The following GTPBP3 variants were observed in gnomAD, a reference collection of about 807,000 sequenced individuals.
GTPBP3 encodes GTP binding protein 3, mitochondrial.
In GTPBP3, 35 loss-of-function variants were observed where a neutral mutation model predicts 42.0. That is an observed-to-expected ratio of 0.83 (90% CI 0.64 to 1.10). GTPBP3 has a LOEUF of 1.10. GTPBP3 is among the 50% of genes least tolerant of loss of function. GTPBP3 has a pLI of 0.00. For missense variants in GTPBP3, 691 were observed against 685.2 expected (o/e 1.01, Z -0.09); for synonymous variants, 332 against 314.9 (o/e 1.05, Z -0.58).
rs1173962513 is a variant in GTPBP3, at chr19:17,341,191, C to T, written c.1122C>T (p.Asn374=). 1.2e-6 allele frequency: 2 copies of T among 1,611,700 alleles called. No individual in the cohort carries two copies. Among genetic ancestry groups the T allele is most frequent in the Non-Finnish European group, 8.5e-7 (1 of 1,179,948 alleles). ...GCCAGCGCCTCCTCCTGGTGCTGAA[C>T]AAGTCGGACCTGCTGTCCCCGGAGG... ...DSSQRLLLVL[N]KSDLLSPEGP... Residue 374 remains asparagine (N), a synonymous_variant, in exon 8 of 9, where the codon AAC becomes AAT. Coordinates refer to ENST00000324894, the MANE Select transcript of GTPBP3 (RefSeq NM_032620.4).
chr19:17,336,969 G>A (rs1215343933), upstream of GTPBP3: 1 of 152,216 alleles, frequency 6.6e-6, no homozygotes, highest in Non-Finnish European at 1.5e-5. Context: ...GGCATCCGAA[G>A]CCGAGGGAAC....
intron 7 of GTPBP3, 137 bp downstream of exon 7, chr19:17,339,736 T>TTA: frequency 2.7e-6 from 2 of 732,148 alleles, no homozygotes; most frequent in Non-Finnish European, 4.0e-6. Flanking sequence ...AGGGATTTGG[T>TTA]TCTTTTTTTT....
At position 17,338,153 on chromosome 19, in the gene GTPBP3, G is replaced by A. The variant is rs1297401581; in HGVS notation, c.199G>A (p.Ala67Thr). 1.3e-6 allele frequency: 2 copies of A among 1,594,148 alleles called. No individual in the cohort carries two copies. The highest frequency in any genetic ancestry group is 8.5e-7 in the Non-Finnish European group (1 of 1,177,132). ...CGGCCACGCCCTCCGAATTCTCACAGCACCCCGAGACCTGCCCCTTGCTCG... is the reference window on the plus strand; with the variant it reads ...CGGCCACGCCCTCCGAATTCTCACAACACCCCGAGACCTGCCCCTTGCTCG... ...ASGHALRILT[A>T]PRDLPLARHA... The change falls in exon 2 of 9, where the codon GCA becomes ACA. Residue 67 changes from alanine (A) to threonine (T), a missense_variant. Coordinates refer to ENST00000324894, the MANE Select transcript of GTPBP3 (RefSeq NM_032620.4).
intron 4 of GTPBP3, 30 bp from the exon 5 acceptor site, chr19:17,338,924 A>G: frequency 1.3e-6 from 2 of 1,567,274 alleles, no homozygotes; most frequent in South Asian, 2.4e-5. Context: ...CTGGGTGCAC[A>G]CACCACCTCT....
At position 17,341,630 on chromosome 19, in the gene GTPBP3, C is replaced by T; in HGVS notation, c.1406C>T (p.Thr469Ile). 2 of 1,613,520 alleles carry T rather than the reference C, an allele frequency of 1.2e-6. No individual in the cohort carries two copies. The highest frequency in any genetic ancestry group is 1.7e-6 in the Non-Finnish European group (2 of 1,179,720). Residue 469 changes from threonine (T) to isoleucine (I), a missense_variant, in exon 9 of 9, where the codon ACC becomes ATC. Transcript: ENST00000324894. Reference sequence around the variant, plus strand: ...CTGCGGGTGGCCCGGGGTCACCTGACCCGGCTCACAGGTGGAGGGGGTACC... The same window carrying T: ...CTGCGGGTGGCCCGGGGTCACCTGATCCGGCTCACAGGTGGAGGGGGTACC... ...EALRVARGHL[T>I]RLTGGGGTEE...
At chr19:17,338,829 C>G in intron 4 of GTPBP3, 88 bp downstream of exon 4, 1 of 1,532,376 alleles carries the variant, frequency 6.5e-7, no homozygotes, top group Non-Finnish European at 8.8e-7. Flanking sequence ...CGCATTCATT[C>G]CCTGCGTGAA....
At chr19:17,338,499 G>A (rs759044252) in intron 3 of GTPBP3, 40 bp from the exon 4 acceptor site, 33 of 1,613,094 alleles carry the variant, frequency 2.0e-5, no homozygotes, top group Admixed American at 5.0e-5. Flanking sequence ...AATGGGCCTG[G>A]GTGGGGACCA....
upstream of GTPBP3, chr19:17,337,321 C>T (rs948488618): frequency 5.5e-6 from 2 of 365,366 alleles, no homozygotes; most frequent in Admixed American, 9.6e-5. Context: ...ATTCCTTATT[C>T]CTATTGTCAG....
At chr19:17,341,370 T>G in intron 8 of GTPBP3, 48 bp downstream of exon 8, 1 of 1,556,908 alleles carries the variant, frequency 6.4e-7, no homozygotes, top group Non-Finnish European at 8.7e-7. Context: ...AGTTTAAGTG[T>G]GGGTCCCTCA....
chr19:17,338,715 C>T lies in GTPBP3; in HGVS notation c.565C>T (p.Arg189Cys), dbSNP rs141865220. The T allele has an allele frequency of 1.9e-4, 304 of 1,612,018 alleles. 2 individuals carry two copies. The highest frequency in any genetic ancestry group is 3.7e-4 in the African/African-American group (28 of 74,908). Residue 189 changes from arginine (R) to cysteine (C), a missense_variant, in exon 4 of 9, where the codon CGT becomes TGT. Physicochemically the swap from Arg to Cys is radical, Grantham distance 180. Transcript: ENST00000324894. ...GGACGGAGAGCTGGGCCACCTCTGC[C>T]GTGGCTGGGCCGAGACCCTCACCAA... Reference protein sequence around the residue: ...QLDGELGHLCRGWAETLTKAL... With the variant: ...QLDGELGHLCCGWAETLTKAL...
In GTPBP3 at chr19:17,339,423, C is replaced by T. The variant is rs774269150; in HGVS notation, c.809-11C>T. ...TCTCCACCCTCTCCTCTTCTTCTGACCCTCCCCCAGGTCGGAAGCCTGTGT... is the reference window on the plus strand; with the variant it reads ...TCTCCACCCTCTCCTCTTCTTCTGATCCTCCCCCAGGTCGGAAGCCTGTGT... On this transcript the variant is annotated splice_polypyrimidine_tract_variant and intron_variant, in intron 6 of 8. Transcript: ENST00000324894. 2 of 1,612,716 alleles carry T rather than the reference C, an allele frequency of 1.2e-6. No individual in the cohort carries two copies. The highest frequency in any genetic ancestry group is 1.7e-6 in the Non-Finnish European group (2 of 1,179,376).
In GTPBP3 at chr19:17,339,186, G is replaced by T; in HGVS notation, c.728G>T (p.Gly243Val). ...LGAHLRDARR[G>V]QRLRSGVHVV... ...GCACATCTACGAGATGCCAGGCGCG[G>T]GCAGAGGCTCCGCTCAGGGGTGCAC... The change falls in exon 6 of 9, where the codon GGG (glycine) becomes GTG (valine). Residue 243 changes from glycine (G) to valine (V), a missense_variant. Transcript: ENST00000324894. 1 of 1,613,752 alleles carries T rather than the reference G, an allele frequency of 6.2e-7. No individual in the cohort carries two copies. Among genetic ancestry groups the T allele is most frequent in the Non-Finnish European group, 8.5e-7 (1 of 1,180,006 alleles).
upstream of GTPBP3, among the ~76,000 whole-genome samples, chr19:17,335,288 C>T (rs1055892940): frequency 6.6e-6 from 1 of 152,232 alleles, no homozygotes; most frequent in African/African-American, 2.4e-5. Context: ...CTCATGCACT[C>T]TTCGTCCGGT....
chr19:17,340,882 G>A (rs1429630192), intron 7 of GTPBP3, 162 bp from the exon 8 acceptor site: 6 of 710,310 alleles, frequency 8.4e-6, no homozygotes, highest in Non-Finnish European at 1.4e-5. Context: ...CTCGGCTTGG[G>A]CCCCCAACAT....
At chr19:17,339,835 C>T (rs1400595105) in intron 7 of GTPBP3, among the ~76,000 whole-genome samples, 2 of 146,426 alleles carry the variant, frequency 1.4e-5, no homozygotes, top group Non-Finnish European at 3.0e-5. Flanking sequence ...CAAGCTCTGT[C>T]TTCCGGGTTC....
rs149578279 is a variant in GTPBP3, at chr19:17,341,244, C to G, written c.1175C>G (p.Pro392Arg). The G allele has an allele frequency of 4.3e-4, 699 of 1,606,936 alleles. 2 individuals carry two copies. The African/African-American group carries it at 8.1e-3, about 19-fold the overall frequency. ...CCAGGTCCCGGTCCTGACCTGCCCCCGCACCTGCTGCTGTCCTGTCTGACG... is the reference window on the plus strand; with the variant it reads ...CCAGGTCCCGGTCCTGACCTGCCCCGGCACCTGCTGCTGTCCTGTCTGACG... The part of the protein sequence containing the change: ...EGPGPGPDLP[P>R]HLLLSCLTGE... Residue 392 changes from proline to arginine, a missense_variant, in exon 8 of 9, where the codon CCG becomes CGG. Coordinates refer to ENST00000324894, the MANE Select transcript of GTPBP3 (RefSeq NM_032620.4).
upstream of GTPBP3, among the ~76,000 whole-genome samples, chr19:17,335,982 C>A (rs2074363942): frequency 6.6e-6 from 1 of 152,108 alleles, no homozygotes; most frequent in Non-Finnish European, 1.5e-5. Flanking sequence ...CGCCTGTAAT[C>A]CCAGCATTTT....
chr19:17,338,631 C>T lies in GTPBP3; in HGVS notation c.481C>T (p.Leu161=), dbSNP rs1198191791. ...GCTGAACCTGACCGAAGTGGAGGGG[C>T]TGGCGGACCTTATCCACGCGGAAAC... ...GKLNLTEVEG[L]ADLIHAETEA... The change falls in exon 4 of 9, where the codon CTG becomes TTG. Residue 161 remains leucine (L), a synonymous_variant. Transcript: ENST00000324894. The T allele has an allele frequency of 6.2e-7, 1 of 1,614,034 alleles. No individual in the cohort carries two copies. The highest frequency in any genetic ancestry group is 8.5e-7 in the Non-Finnish European group (1 of 1,179,966).
rs914296202 is a variant in GTPBP3, at chr19:17,341,775, G to A, written c.*72G>A. The A allele has an allele frequency of 1.5e-6, 2 of 1,313,340 alleles. No individual in the cohort carries two copies. Among genetic ancestry groups the A allele is most frequent in the Non-Finnish European group, 2.1e-6 (2 of 953,680 alleles). The allele number at this position is 1,313,340 out of a possible 1,614,324, so 81.4% of individuals were successfully genotyped here. On this transcript the variant is annotated 3_prime_UTR_variant, in exon 9 of 9. Coordinates refer to ENST00000324894, the MANE Select transcript of GTPBP3 (RefSeq NM_032620.4). ...CTCGGGGGATCTGGAAACAGTTTAG[G>A]CCAATTGGGATTCTCATTCGCCTGG...
Sources: gnomAD v4.1 joint callset for allele counts (sites outside exome capture counted in the v4.1 genomes callset) on GRCh38, gnomAD v4.1.1 for gene constraint, MANE v1.5 for transcripts, NCBI Gene and HGNC (gene_info 2026-07-23, HGNC 2026-07-21) for gene names.